Variants in NUP107 observed in about 807,000 individuals in gnomAD.
The protein encoded by NUP107 is nuclear pore complex protein Nup107.
A neutral mutation model predicts 141.0 loss-of-function variants in NUP107; 101 were observed. That is an observed-to-expected ratio of 0.72 (90% confidence interval 0.61 to 0.84). The LOEUF (loss-of-function observed/expected upper bound fraction) is 0.84, where lower values mean the gene tolerates loss of function less well. Ranked by LOEUF, NUP107 falls within the 40% of genes least tolerant of loss-of-function variation. The pLI, the probability that NUP107 is intolerant of heterozygous loss-of-function variation, is 0.00. For synonymous variants in NUP107, 319 were observed against 363.9 expected (o/e 0.88, Z 1.41); for missense variants, 941 against 1,102.7 (o/e 0.85, Z 2.08).
At position 68,729,797 on chromosome 12, in the gene NUP107, T is replaced by C. The variant is rs114125815; in HGVS notation, c.1735-1313T>C. ...GGCTATTAATTTGTTTGTGAGTCTT[T>C]TTTTTTTTTTTGAGACGGAGTCTCA... On this transcript the variant is annotated intron_variant, in intron 20 of 27. Coordinates refer to ENST00000229179, the MANE Select transcript of NUP107 (RefSeq NM_020401.4). Among the ~76,000 whole-genome samples the C allele has an allele frequency of 8.1e-3, 1,208 of 150,028 alleles. 13 individuals carry two copies. The highest frequency in any genetic ancestry group is 0.027 in the African/African-American group (1,125 of 41,166).
intron 8 of NUP107, among the ~76,000 whole-genome samples, chr12:68,707,623 C>G (rs1428932643): frequency 2.0e-5 from 3 of 151,908 alleles, no homozygotes; most frequent in Non-Finnish European, 2.9e-5. Context: ...TGGGTTTGTA[C>G]TGAATATGTG....
chr12:68,711,400 T>G (rs1158104232), intron 10 of NUP107, among the ~76,000 whole-genome samples: 1 of 150,770 alleles, frequency 6.6e-6, no homozygotes, highest in Admixed American at 6.6e-5. Flanking sequence ...GGGAGATTGT[T>G]TTTAAAGTAG....
chr12:68,734,620 AAG>A lies in NUP107; in HGVS notation c.2263-86_2263-85del. On this transcript the variant is annotated intron_variant, in intron 24 of 27. Transcript: ENST00000229179. ...TTCTTGATGCTGCAAAATTATTTCT[AAG>A]AATCAAATGTTAAAAATGTTGGTGA... 2.1e-5 allele frequency: 22 copies of A among 1,035,746 alleles called. 1 individual carries two copies. In the South Asian group the frequency reaches 3.6e-4, roughly 17 times the overall value. 64.2% of individuals were successfully genotyped at this position (1,035,746 alleles called of 1,614,324 possible).
rs1446818362 is a variant in NUP107, at chr12:68,731,590, T to C, written c.1886-17T>C. 6.8e-7 allele frequency: 1 copy of C among 1,465,708 alleles called. No homozygotes were observed. The highest frequency in any genetic ancestry group is 1.3e-5 in the South Asian group (1 of 76,008). The allele number at this position is 1,465,708 out of a possible 1,614,324, so 90.8% of individuals were successfully genotyped here. ...ATGATTAATCTTTGTTTTTTGTCGC[T>C]TCAAAAAATTATTTAGATTTGGATG... On this transcript the variant is annotated splice_polypyrimidine_tract_variant and intron_variant, in intron 21 of 27. Transcript: ENST00000229179.
chr12:68,692,098 A>G lies in NUP107; in HGVS notation c.434A>G (p.Asp145Gly), dbSNP rs768624549. The G allele has an allele frequency of 6.3e-7, 1 of 1,590,876 alleles. No individual in the cohort carries two copies. The highest frequency in any genetic ancestry group is 1.2e-5 in the South Asian group (1 of 85,936). Reference protein sequence around the residue: ...TISAVMLREDDPGEAASMSMF... With the variant: ...TISAVMLREDGPGEAASMSMF... ...AGTGCTGTTATGTTACGTGAGGATG[A>G]TCCTGGAGAAGCTGGTAAAATGGCA... Residue 145 changes from aspartate to glycine, a missense_variant, in exon 5 of 28, where the codon GAT becomes GGT. By Grantham distance (94) the Asp-to-Gly change is moderately conservative (BLOSUM62 -1). Coordinates refer to ENST00000229179, the MANE Select transcript of NUP107 (RefSeq NM_020401.4).
At position 68,743,680 on chromosome 12, in the gene NUP107, A is replaced by T. The variant is rs1054852492; in HGVS notation, c.*1218A>T. The T allele has an allele frequency of 6.6e-6, 1 of 152,232 alleles. No individual in the cohort carries two copies. The highest frequency in any genetic ancestry group is 1.5e-5 in the Non-Finnish European group (1 of 68,044). The allele number at this position is 152,232 out of a possible 1,614,324, so 9.4% of individuals were successfully genotyped here. A position where few individuals can be genotyped will look rare whatever the true frequency, so the allele number is the denominator to read the frequency against. On this transcript the variant is annotated 3_prime_UTR_variant, in exon 28 of 28. Coordinates refer to ENST00000229179, the MANE Select transcript of NUP107 (RefSeq NM_020401.4). The stretch of plus-strand genomic sequence containing the variant: ...CTAAAAGAATGTGATTCTAATAGAA[A>T]ACAGTAATTCCCCAAACTTGCTAAT...
At chr12:68,709,102 T>C (rs1263047654) in intron 8 of NUP107, 136 bp from the exon 9 acceptor site, 2 of 587,578 alleles carry the variant, frequency 3.4e-6, no homozygotes, top group Admixed American at 7.0e-5. Flanking sequence ...ACAGATTTAC[T>C]ATGTGGTAAA....
intron 5 of NUP107, among the ~76,000 whole-genome samples, chr12:68,695,878 A>G (rs1166850252): frequency 1.3e-5 from 2 of 151,244 alleles, no homozygotes; most frequent in Admixed American, 1.3e-4. Flanking sequence ...TGGCTGGTAT[A>G]TACCTATAGT....
intron 5 of NUP107, among the ~76,000 whole-genome samples, chr12:68,696,562 A>G (rs1876066485): frequency 6.6e-6 from 1 of 151,414 alleles, no homozygotes; most frequent in East Asian, 1.9e-4. Flanking sequence ...AAAATACAAA[A>G]ATTAGCTGGG....
chr12:68,692,845 GT>G (rs891975034), intron 5 of NUP107, among the ~76,000 whole-genome samples: 1 of 151,166 alleles, frequency 6.6e-6, no homozygotes, highest in Non-Finnish European at 1.5e-5. Flanking sequence ...CGCCTCCCAG[GT>G]TTAAATGATT....
rs1249038663 is a variant in NUP107 at position 68,719,364 on chromosome 12, T to C, written c.1107T>C (p.Cys369=). 2 of 1,614,028 alleles carry C rather than the reference T, an allele frequency of 1.2e-6. No homozygotes were observed. Among genetic ancestry groups the C allele is most frequent in the East Asian group, 4.5e-5 (2 of 44,898 alleles). The change falls in exon 13 of 28, where the codon TGT becomes TGC. Residue 369 remains cysteine (C), a synonymous_variant. Coordinates refer to ENST00000229179, the MANE Select transcript of NUP107 (RefSeq NM_020401.4). ...AGGCACAACGACTCTGTAAACGCTG[T>C]GGTCAAGCATGGAGAGCTGCAACAC... is the stretch of plus-strand genomic sequence containing the variant. ...TEEAQRLCKR[C]GQAWRAATLE...
At chr12:68,707,841 G>T (rs528522245) in intron 8 of NUP107, among the ~76,000 whole-genome samples, 2 of 152,072 alleles carry the variant, frequency 1.3e-5, no homozygotes, top group African/African-American at 4.8e-5. Context: ...TCATGCCTGC[G>T]ATCCCAGCAC....
intron 6 of NUP107, 60 bp downstream of exon 6, chr12:68,696,982 C>A: frequency 9.9e-7 from 1 of 1,015,052 alleles, no homozygotes; most frequent in Non-Finnish European, 1.5e-6. Context: ...TCATAAACAG[C>A]ATTAACCTAA....
chr12:68,733,438 A>C lies in NUP107; in HGVS notation c.2102-14A>C. The C allele has an allele frequency of 6.2e-7, 1 of 1,603,780 alleles. No homozygotes were observed. On this transcript the variant is annotated splice_polypyrimidine_tract_variant and intron_variant, in intron 23 of 27. Transcript: ENST00000229179. ...AGTCCGTAGGCATTCAAAATTGTGT[A>C]TCTTTTTTCACAGCATCAAAAAAGC...
At position 68,726,614 on chromosome 12, in the gene NUP107, C is replaced by G. The variant is rs1877576621; in HGVS notation, c.1692C>G (p.Thr564=). 4 of 1,578,352 alleles carry G rather than the reference C, an allele frequency of 2.5e-6. No homozygotes were observed. Among genetic ancestry groups the G allele is most frequent in the Non-Finnish European group, 3.5e-6 (4 of 1,148,254 alleles). Residue 564 remains threonine (T), a synonymous_variant, in exon 19 of 28, where the codon ACC becomes ACG. Coordinates refer to ENST00000229179, the MANE Select transcript of NUP107 (RefSeq NM_020401.4). Reference sequence around the variant, plus strand: ...TTTTCCGTACTCTGGGACTACAGACCAAGGTATATAAAAATGAACGATTTC... The same window carrying G: ...TTTTCCGTACTCTGGGACTACAGACGAAGGTATATAAAAATGAACGATTTC... The part of the protein sequence containing the change: ...ILFFRTLGLQ[T]KEEVSIEVLK...
At position 68,732,717 on chromosome 12, in the gene NUP107, T is replaced by C; in HGVS notation, c.2079T>C (p.Asn693=). Residue 693 remains asparagine, a synonymous_variant, in exon 23 of 28, where the codon AAT becomes AAC. Coordinates refer to ENST00000229179, the MANE Select transcript of NUP107 (RefSeq NM_020401.4). ...GGGCAGAAGCACTGAAACAAGGCAA[T>C]GCAATTATGAGAAAATTCTTGGGTA... ...AQRAEALKQG[N]AIMRKFLASK... The C allele has an allele frequency of 6.2e-7, 1 of 1,603,298 alleles. No homozygotes were observed. The highest frequency in any genetic ancestry group is 8.5e-7 in the Non-Finnish European group (1 of 1,171,944).
At chr12:68,716,245 C>CTTTTT (rs71436075) in intron 12 of NUP107, among the ~76,000 whole-genome samples, 3 of 116,224 alleles carry the variant, frequency 2.6e-5, no homozygotes, top group African/African-American at 9.8e-5. Context: ...TTCTTTCTTT[C>CTTTTT]TTTTTTTTTT....
At chr12:68,725,849 T>TTTC in intron 18 of NUP107, 53 bp downstream of exon 18, 1 of 1,053,400 alleles carries the variant, frequency 9.5e-7, no homozygotes, top group East Asian at 2.4e-5. Flanking sequence ...TTTTTTTTTT[T>TTTC]TTTTTGAGAC....
In NUP107 at chr12:68,721,830, T is replaced by A; in HGVS notation, c.1312-11T>A. On this transcript the variant is annotated splice_polypyrimidine_tract_variant and intron_variant, in intron 15 of 27. Transcript: ENST00000229179. The stretch of plus-strand genomic sequence containing the variant: ...ATGTCTATATGTTTCTGTTTTGTAA[T>A]GGGGAAAAAGCTGCTTCCTGTCTGT... The A allele has an allele frequency of 6.2e-7, 1 of 1,608,746 alleles. No homozygotes were observed. The highest frequency in any genetic ancestry group is 8.5e-7 in the Non-Finnish European group (1 of 1,178,552).
Sources: gnomAD v4.1 joint callset for allele counts (sites outside exome capture counted in the v4.1 genomes callset) on GRCh38, gnomAD v4.1.1 for gene constraint, MANE v1.5 for transcripts, NCBI Gene and HGNC (gene_info 2026-07-23, HGNC 2026-07-21) for gene names.